Variants in TRIM66 observed in about 807,000 individuals in gnomAD.
TRIM66 encodes the protein tripartite motif-containing protein 66.
A neutral mutation model predicts 148.2 loss-of-function variants in TRIM66; 99 were observed. That is an observed-to-expected ratio of 0.67 (90% CI 0.57 to 0.79). The LOEUF (loss-of-function observed/expected upper bound fraction) is 0.79. Ranked by LOEUF, TRIM66 falls within the 30% of genes least tolerant of loss-of-function variation. The pLI, the probability that TRIM66 is intolerant of heterozygous loss-of-function variation, is 0.00. For missense variants in TRIM66, 1,666 were observed against 1,697.9 expected (o/e 0.98, Z 0.33); for synonymous variants, 616 against 635.9 (o/e 0.97, Z 0.47).
At chr11:8,619,091 C>T (rs2033953497) in intron 23 of TRIM66, 123 bp from the exon 24 acceptor site, 3 of 916,996 alleles carry the variant, frequency 3.3e-6, no homozygotes, top group East Asian at 2.6e-5. Flanking sequence ...TGGAACTTGA[C>T]ATTTTTCTCC....
At chr11:8,619,303 C>A in intron 23 of TRIM66, 80 bp downstream of exon 23, 1 of 1,428,840 alleles carries the variant, frequency 7.0e-7, no homozygotes, top group Admixed American at 2.9e-5. Flanking sequence ...CAGACCAAAC[C>A]TAACCTCCCA....
chr11:8,619,221 G>A (rs924172702), intron 23 of TRIM66, 162 bp downstream of exon 23: 13 of 865,284 alleles, frequency 1.5e-5, no homozygotes, highest in Admixed American at 2.9e-5. Flanking sequence ...TAAGGCCTGA[G>A]TGTGGGAGAG....
rs1268119268 is a variant in TRIM66, at chr11:8,645,748, T to C, written c.1097A>G (p.Lys366Arg). 1.3e-6 allele frequency: 2 copies of C among 1,551,660 alleles called. No individual in the cohort carries two copies. Among genetic ancestry groups the C allele is most frequent in the East Asian group, 2.4e-5 (1 of 40,922 alleles). Reference sequence around the variant, plus strand: ...TTGGGAGATTCCTCTTACCAGCTCTTTGCTGAAAAGAAAAGGGACACTGGT... The same window carrying C: ...TTGGGAGATTCCTCTTACCAGCTCTCTGCTGAAAAGAAAAGGGACACTGGT... Reference protein sequence around the residue: ...SKTSVPFLFSKELIVFQMQRL... With the variant: ...SKTSVPFLFSRELIVFQMQRL... The change falls in exon 12 of 25, where the codon AAA becomes AGA. Residue 366 changes from lysine (K) to arginine (R), a missense_variant. Transcript: ENST00000646038.
rs1478798442 is a variant in TRIM66, at chr11:8,612,488, C to T, written c.*5456G>A. On this transcript the variant is annotated 3_prime_UTR_variant, in exon 25 of 25. Coordinates refer to ENST00000646038, the MANE Select transcript of TRIM66 (RefSeq NM_001388022.1). ...GATGAGGAAACTGTATCCAAGGTTA[C>T]ACAGCTCATAATGGAAAGAGCCAAA... is the stretch of plus-strand genomic sequence containing the variant. 1 of 152,234 alleles carries T rather than the reference C, an allele frequency of 6.6e-6. No homozygotes were observed. Among genetic ancestry groups the T allele is most frequent in the African/African-American group, 2.4e-5 (1 of 41,450 alleles). The allele number at this position is 152,234 out of a possible 1,614,324, so 9.4% of individuals were successfully genotyped here.
At position 8,640,948 on chromosome 11, in the gene TRIM66, G is replaced by A. The variant is rs867557652; in HGVS notation, c.1427C>T (p.Ser476Phe). ...CCSHCSPVSP[S>F]LKGQVPPPSI... ...GGGTGGGGGGACCTGGCCTTTGAGG[G>A]AAGGCGAGACTGGGGAGCAGTGGGA... Residue 476 changes from serine to phenylalanine, a missense_variant, in exon 14 of 25, where the codon TCC (serine) becomes TTC (phenylalanine). This residue lies in a region of TRIM66 where 1,431 missense variants were observed against 1,412.4 expected (regional missense o/e 1.01). Transcript: ENST00000646038. 1.3e-6 allele frequency: 2 copies of A among 1,551,206 alleles called. No individual in the cohort carries two copies. Among genetic ancestry groups the A allele is most frequent in the East Asian group, 4.9e-5 (2 of 40,912 alleles).
At chr11:8,655,821 AT>A (rs534062042) in intron 6 of TRIM66, among the ~76,000 whole-genome samples, 1 of 152,076 alleles carries the variant, frequency 6.6e-6, no homozygotes, top group Non-Finnish European at 1.5e-5. Flanking sequence ...TAAAAAAAAA[AT>A]ATTCTCTTGG....
rs1198146721 is a variant in TRIM66 at position 8,622,851 on chromosome 11, G to A, written c.3045C>T (p.Ala1015=). The change falls in exon 18 of 25, where the codon GCC becomes GCT. Residue 1015 remains alanine, a synonymous_variant. Coordinates refer to ENST00000646038, the MANE Select transcript of TRIM66 (RefSeq NM_001388022.1). ...PKECENFEQG[A]LELDAKENQS... ...GGTTCTCTTTTGCATCCAGCTCTAGGGCTCCTTGTTCAAAATTCTCACACT... is the reference window on the plus strand; with the variant it reads ...GGTTCTCTTTTGCATCCAGCTCTAGAGCTCCTTGTTCAAAATTCTCACACT... The A allele has an allele frequency of 6.4e-7, 1 of 1,551,788 alleles. No individual in the cohort carries two copies. The highest frequency in any genetic ancestry group is 1.4e-5 in the African/African-American group (1 of 73,008).
chr11:8,624,475 T>C lies in TRIM66; in HGVS notation c.2903A>G (p.Lys968Arg), dbSNP rs368412189. ...GPIVPGLDAPKDLAIPSELEE... is the reference protein window; with the variant it reads ...GPIVPGLDAPRDLAIPSELEE... ...CAGTTCTGAGGGGATGGCCAAGTCC[T>C]TGGGAGCATCCAGACCGGGGACTAT... The change falls in exon 17 of 25, where the codon AAG becomes AGG. Residue 968 changes from lysine (K) to arginine (R), a missense_variant. Coordinates refer to ENST00000646038, the MANE Select transcript of TRIM66 (RefSeq NM_001388022.1). The C allele has an allele frequency of 3.9e-6, 6 of 1,551,620 alleles. No individual in the cohort carries two copies. The highest frequency in any genetic ancestry group is 4.4e-6 in the Non-Finnish European group (5 of 1,146,966).
chr11:8,680,374 G>A (rs572981288), intron 1 of TRIM66, among the ~76,000 whole-genome samples: 1 of 152,338 alleles, frequency 6.6e-6, no homozygotes, highest in East Asian at 1.9e-4. Flanking sequence ...GAAATTGGAG[G>A]AGGGTTAGAA....
chr11:8,623,243 A>G (rs2141863385), intron 17 of TRIM66, among the ~76,000 whole-genome samples: 1 of 152,338 alleles, frequency 6.6e-6, no homozygotes, highest in Non-Finnish European at 1.5e-5. Flanking sequence ...AGCCTCTGCC[A>G]TGTCAGCCAA....
chr11:8,676,429 G>A (rs933879631), intron 3 of TRIM66, among the ~76,000 whole-genome samples: 6 of 152,038 alleles, frequency 3.9e-5, no homozygotes, highest in African/African-American at 1.2e-4. Flanking sequence ...TCCCTGAAAC[G>A]GTCTCAGGGA....
chr11:8,622,363 C>CATATATATATATATATATATATAT (rs1201366239), intron 18 of TRIM66, among the ~76,000 whole-genome samples: 1 of 55,350 alleles, frequency 1.8e-5, no homozygotes, highest in Non-Finnish European at 4.4e-5. Context: ...CACACACACA[C>CATATATATATATATATATATATAT]ACATATATAT....
At position 8,649,969 on chromosome 11, in the gene TRIM66, G is replaced by A. The variant is rs1042031173; in HGVS notation, c.445-82C>T. ...CAAGTGGTAAATGCTCTAAAGACAGGGGTCCTGCAGGCCTATTCCTCCACC... is the reference window on the plus strand; with the variant it reads ...CAAGTGGTAAATGCTCTAAAGACAGAGGTCCTGCAGGCCTATTCCTCCACC... On this transcript the variant is annotated intron_variant, in intron 7 of 24. Coordinates refer to ENST00000646038, the MANE Select transcript of TRIM66 (RefSeq NM_001388022.1). The A allele has an allele frequency of 1.4e-5, 20 of 1,460,472 alleles. No individual in the cohort carries two copies. In the South Asian group the frequency reaches 2.7e-4, roughly 20 times the overall value. 90.5% of individuals were successfully genotyped at this position (1,460,472 alleles called of 1,614,324 possible).
At chr11:8,644,118 T>C (rs1165255040) in intron 12 of TRIM66, among the ~76,000 whole-genome samples, 2 of 152,202 alleles carry the variant, frequency 1.3e-5, no homozygotes, top group East Asian at 1.9e-4. Flanking sequence ...TTTCAGAGTA[T>C]GTTGTTCAAC....
Position 8,625,466 on chromosome 11 carries a change from TGTGTG to T in TRIM66, c.2311-243_2311-239del, listed in dbSNP as rs2034738334. ...GAGAGGCACAAGCGGAGAACTATTG[TGTGTG>T]TGTGTGTGTGTGTGTGTGTGTGTCA... On this transcript the variant is annotated intron_variant, in intron 15 of 24. Coordinates refer to ENST00000646038, the MANE Select transcript of TRIM66 (RefSeq NM_001388022.1). Among the ~76,000 whole-genome samples, 3 of 11,844 alleles carry T rather than the reference TGTGTG, an allele frequency of 2.5e-4. No homozygotes were observed. In the Admixed American group the frequency reaches 2.7e-3, roughly 11 times the overall value. The allele number at this position is 11,844 out of a possible 152,430, so 7.8% of individuals were successfully genotyped here.
Position 8,625,079 on chromosome 11 carries a change from A to G in TRIM66, c.2460T>C (p.Ser820=), listed in dbSNP as rs749199185. ...GAPQAVPSLL[S]APPKMVSSLT... is the part of the protein sequence containing the mutation. The stretch of plus-strand genomic sequence containing the variant: ...GGCTGGACACCATTTTGGGGGGAGC[A>G]CTCAGCAGGCTTGGTACTGCCTGGG... Residue 820 remains serine, a synonymous_variant, in exon 16 of 25, where the codon AGT becomes AGC. Transcript: ENST00000646038. 2.3e-5 allele frequency: 36 copies of G among 1,551,558 alleles called. 2 individuals carry two copies. The South Asian group carries it at 4.3e-4, about 18-fold the overall frequency.
chr11:8,622,867 T>C lies in TRIM66; in HGVS notation c.3029A>G (p.Asn1010Ser). 2 of 1,551,904 alleles carry C rather than the reference T, an allele frequency of 1.3e-6. No homozygotes were observed. Among genetic ancestry groups the C allele is most frequent in the Non-Finnish European group, 8.7e-7 (1 of 1,147,070 alleles). Reference sequence around the variant, plus strand: ...CAGCTCTAGGGCTCCTTGTTCAAAATTCTCACACTCTAAGGCAAAAGACAA... The same window carrying C: ...CAGCTCTAGGGCTCCTTGTTCAAAACTCTCACACTCTAAGGCAAAAGACAA... ...QQYQNPKECENFEQGALELDA... is the reference protein window; with the variant it reads ...QQYQNPKECESFEQGALELDA... The change falls in exon 18 of 25, where the codon AAT becomes AGT. Residue 1010 changes from asparagine to serine, a missense_variant. Physicochemically the swap from Asn to Ser is conservative, Grantham distance 46. Around this residue, in one of 3 missense-constraint regions of TRIM66, gnomAD observed 1,431 missense variants for 1,412.4 expected, o/e 1.01. Coordinates refer to ENST00000646038, the MANE Select transcript of TRIM66 (RefSeq NM_001388022.1).
At chr11:8,666,065 A>G (rs2038570999) in intron 6 of TRIM66, among the ~76,000 whole-genome samples, 1 of 151,696 alleles carries the variant, frequency 6.6e-6, no homozygotes, top group South Asian at 2.1e-4. Flanking sequence ...AGCTGGGCGC[A>G]GTGGCTCACT....
intron 12 of TRIM66, among the ~76,000 whole-genome samples, chr11:8,643,988 G>A (rs1312460295): frequency 6.6e-6 from 1 of 152,102 alleles, no homozygotes; most frequent in East Asian, 1.9e-4. Flanking sequence ...CTCTTGCATG[G>A]CAACCACCTT....
Sources: allele counts gnomAD v4.1 joint callset (sites outside exome capture counted in the v4.1 genomes callset), GRCh38; gene constraint gnomAD v4.1.1; regional missense constraint gnomAD v4.1.1; transcripts MANE v1.5; gene names NCBI Gene and HGNC (gene_info 2026-07-23, HGNC 2026-07-21).